The following FBXO40 variants were observed in gnomAD, a reference collection of about 807,000 sequenced individuals.
FBXO40 encodes F-box protein 40.
Under a neutral mutation model 49.9 loss-of-function variants are expected in FBXO40, and 50 were observed. That is an observed-to-expected ratio of 1.00 (90% confidence interval 0.80 to 1.27). FBXO40 has a LOEUF of 1.27. Among genes scored for constraint, FBXO40 ranks in the 50% most tolerant of loss-of-function variants. FBXO40 has a pLI of 0.00. For synonymous variants in FBXO40, 340 were observed against 320.2 expected, an observed-to-expected ratio of 1.06 and a Z score of -0.66; for missense variants, 895 against 870.1, an observed-to-expected ratio of 1.03 and a Z score of -0.36.
At chr3:121,600,126 G>C (rs2048894711) in intron 1 of FBXO40, among the ~76,000 whole-genome samples, 1 of 150,790 alleles carries the variant, frequency 6.6e-6, no homozygotes, top group South Asian at 2.1e-4. Context: ...AATCTCCCAG[G>C]CTCAAGCAAT....
intron 1 of FBXO40, among the ~76,000 whole-genome samples, chr3:121,597,335 G>A (rs1261302397): frequency 6.6e-6 from 1 of 152,036 alleles, no homozygotes; most frequent in Admixed American, 6.6e-5. Flanking sequence ...AAGTGCTTAA[G>A]GAATGGCTCG....
intron 3 of FBXO40, among the ~76,000 whole-genome samples, chr3:121,625,714 C>T (rs1007733577): frequency 3.9e-5 from 6 of 152,098 alleles, no homozygotes; most frequent in African/African-American, 1.4e-4. Context: ...TTATTTGGGA[C>T]GAGCTAATTT....
intron 1 of FBXO40, among the ~76,000 whole-genome samples, chr3:121,607,200 G>A (rs1028110903): frequency 1.3e-5 from 2 of 149,848 alleles, no homozygotes; most frequent in Non-Finnish European, 3.0e-5. Context: ...AGGAGGCTGA[G>A]GTTGCAGTGA....
chr3:121,623,711 G>T, intron 3 of FBXO40, among the ~76,000 whole-genome samples: 2 of 124,844 alleles, frequency 1.6e-5, no homozygotes, highest in African/African-American at 3.2e-5. Flanking sequence ...TTTTTGAGAA[G>T]GAGTTTCATT....
chr3:121,620,347 C>A (rs948294680), intron 1 of FBXO40, among the ~76,000 whole-genome samples, 199 bp from the exon 2 acceptor site: 1 of 152,160 alleles, frequency 6.6e-6, no homozygotes, highest in African/African-American at 2.4e-5. Flanking sequence ...CTGATTCCAT[C>A]ACTTAGCAGC....
intron 1 of FBXO40, among the ~76,000 whole-genome samples, chr3:121,605,390 C>T (rs550705166): frequency 5.9e-5 from 9 of 152,236 alleles, no homozygotes; most frequent in East Asian, 5.8e-4. Context: ...GGGTTTTGGT[C>T]GTTGCGACCA....
Position 121,622,938 on chromosome 3 carries a change from CA to C in FBXO40, c.1511del (p.Asn504MetfsTer31). The stretch of plus-strand genomic sequence containing the variant: ...TCCACACAGACATTCAGTCATGTCT[CA>C]ATGGCTGGTTCCAGCATCGATGCCC... ...NVHTDIQSCLNGWFQHRCPLA... is the reference protein window; with the variant it reads ...NVHTDIQSCLXGWFQHRCPLA... On this transcript the variant is annotated frameshift_variant, in exon 3 of 4. Transcript: ENST00000338040. LOFTEE classifies it high-confidence loss of function. 1 of 1,614,226 alleles carries C rather than the reference CA, an allele frequency of 6.2e-7. No homozygotes were observed. The highest frequency in any genetic ancestry group is 1.1e-5 in the South Asian group (1 of 91,078).
Position 121,612,019 on chromosome 3 carries a change from G to A in FBXO40, c.-30-8527G>A, listed in dbSNP as rs573636469. Among the ~76,000 whole-genome samples the A allele has an allele frequency of 3.3e-5, 5 of 152,284 alleles. No homozygotes were observed. In the South Asian group the frequency reaches 6.2e-4, roughly 19 times the overall value. The stretch of plus-strand genomic sequence containing the variant: ...CAGCAAAGCAATTGTTTAAAGTACA[G>A]GTCTTTTTCAAAATGGAGTATCTTA... On this transcript the variant is annotated intron_variant, in intron 1 of 3. Coordinates refer to ENST00000338040, the MANE Select transcript of FBXO40 (RefSeq NM_016298.4).
chr3:121,621,313 G>T, intron 2 of FBXO40, 120 bp from the exon 3 acceptor site: 1 of 815,888 alleles, frequency 1.2e-6, no homozygotes, highest in South Asian at 1.9e-5. Context: ...TATATTTCAA[G>T]GTTTCTACAA....
In FBXO40 at chr3:121,630,237, T is replaced by C. The variant is rs1206148466; in HGVS notation, c.*3327T>C. On this transcript the variant is annotated 3_prime_UTR_variant, in exon 4 of 4. Transcript: ENST00000338040. ...GTATATCTGTGGTGACTGACCTCTG[T>C]ATACTAGAAACCTCAACATCTCTAG... 4 of 152,358 alleles carry C rather than the reference T, an allele frequency of 2.6e-5. No individual in the cohort carries two copies. Among genetic ancestry groups the C allele is most frequent in the Admixed American group, 1.3e-4 (2 of 15,308 alleles). 9.4% of individuals were successfully genotyped at this position (152,358 alleles called of 1,614,324 possible). A position where few individuals can be genotyped will look rare whatever the true frequency, so the allele number is the denominator to read the frequency against.
chr3:121,611,196 TAGAG>T (rs2048963145), intron 1 of FBXO40, among the ~76,000 whole-genome samples: 1 of 152,158 alleles, frequency 6.6e-6, no homozygotes, highest in Admixed American at 6.5e-5. Context: ...AGACAAAGTA[TAGAG>T]AAACAACAGT....
In FBXO40 at chr3:121,621,915, T is replaced by C; in HGVS notation, c.486T>C (p.Gly162=). The stretch of plus-strand genomic sequence containing the variant: ...CTGAGGAGGAACCAACTATGAATGG[T>C]GAAACCAGTGTGGAGGAAATGGGAG... ...EATEEEPTMN[G]ETSVEEMGGA... is the part of the protein sequence containing the mutation. Residue 162 remains glycine (G), a synonymous_variant, in exon 3 of 4, where the codon GGT becomes GGC. Transcript: ENST00000338040. The C allele has an allele frequency of 6.2e-7, 1 of 1,614,004 alleles. No homozygotes were observed. Among genetic ancestry groups the C allele is most frequent in the Non-Finnish European group, 8.5e-7 (1 of 1,179,982 alleles).
intron 1 of FBXO40, among the ~76,000 whole-genome samples, chr3:121,606,468 C>T (rs1297404177): frequency 1.3e-5 from 2 of 152,212 alleles, no homozygotes; most frequent in Admixed American, 1.3e-4. Context: ...ACTAGAGACC[C>T]TTCCATTCAA....
chr3:121,613,198 T>A (rs2048977272), intron 1 of FBXO40, among the ~76,000 whole-genome samples: 1 of 151,990 alleles, frequency 6.6e-6, no homozygotes, highest in Non-Finnish European at 1.5e-5. Context: ...GGACTGAAGG[T>A]GCTGAATACC....
intron 1 of FBXO40, among the ~76,000 whole-genome samples, chr3:121,618,303 TAA>T (rs975984540): frequency 6.6e-5 from 10 of 151,984 alleles, no homozygotes; most frequent in Admixed American, 5.9e-4. Flanking sequence ...AATATTATTA[TAA>T]GTCTTTATTC....
At position 121,621,980 on chromosome 3, in the gene FBXO40, G is replaced by A; in HGVS notation, c.551G>A (p.Gly184Asp). ...GGVDIGLVPH[G>D]LSATNGEMAE... ...GTGGATATCGGTTTGGTACCACATG[G>A]TCTGTCAGCAACTAATGGGGAGATG... The change falls in exon 3 of 4, where the codon GGT becomes GAT. Residue 184 changes from glycine to aspartate, a missense_variant. Coordinates refer to ENST00000338040, the MANE Select transcript of FBXO40 (RefSeq NM_016298.4). 1.2e-6 allele frequency: 2 copies of A among 1,614,248 alleles called. No individual in the cohort carries two copies. The highest frequency in any genetic ancestry group is 8.5e-7 in the Non-Finnish European group (1 of 1,180,048).
At chr3:121,616,999 A>C (rs551025366) in intron 1 of FBXO40, among the ~76,000 whole-genome samples, 5 of 152,298 alleles carry the variant, frequency 3.3e-5, no homozygotes, top group South Asian at 2.1e-4. Context: ...TAGTTACCAG[A>C]GGCTGGGAAG....
intron 3 of FBXO40, 147 bp downstream of exon 3, chr3:121,623,490 C>T (rs1410065142): frequency 3.0e-6 from 2 of 661,862 alleles, no homozygotes; most frequent in East Asian, 5.5e-5. Context: ...CCTCTTGCCT[C>T]AGTCTTCCAA....
In FBXO40 at chr3:121,593,416, T is replaced by C. The variant is rs2048854116; in HGVS notation, c.-117T>C. ...GAACGCTGTCCTCTACTGCAGCTGA[T>C]GCAACCCAGCCACCTCCCGGCAATC... On this transcript the variant is annotated 5_prime_UTR_variant, in exon 1 of 4. The change abolishes an upstream ATG in the 5' untranslated region. Coordinates refer to ENST00000338040, the MANE Select transcript of FBXO40 (RefSeq NM_016298.4). 1 of 152,398 alleles carries C rather than the reference T, an allele frequency of 6.6e-6. No homozygotes were observed. The highest frequency in any genetic ancestry group is 2.1e-4 in the South Asian group (1 of 4,832). 9.4% of individuals were successfully genotyped at this position (152,398 alleles called of 1,614,324 possible).
Sources: allele counts gnomAD v4.1 joint callset (sites outside exome capture counted in the v4.1 genomes callset), GRCh38; gene constraint gnomAD v4.1.1; transcripts MANE v1.5; gene names NCBI Gene and HGNC (gene_info 2026-07-23, HGNC 2026-07-21).